Variants in SPOCK3 observed in about 807,000 individuals in gnomAD.
The protein encoded by SPOCK3 is SPARC (osteonectin), cwcv and kazal like domains proteoglycan 3.
A neutral mutation model predicts 56.6 loss-of-function variants in SPOCK3; 30 were observed. The ratio of observed to expected loss-of-function variants is 0.53; its 90% CI spans 0.40 to 0.72. SPOCK3 has a LOEUF of 0.72. Among genes scored for constraint, SPOCK3 ranks in the 30% least tolerant of loss-of-function variants. The pLI is 0.00. For synonymous variants in SPOCK3, 196 were observed against 183.3 expected (o/e 1.07, Z -0.56); for missense variants, 527 against 530.0 (o/e 0.99, Z 0.06).
At chr4:166,980,956 C>G (rs779109056) in intron 4 of SPOCK3, among the ~76,000 whole-genome samples, 6 of 152,198 alleles carry the variant, frequency 3.9e-5, no homozygotes, top group Admixed American at 2.0e-4. Context: ...TGCTAAAGCT[C>G]TTTCAGTTCC....
intron 2 of SPOCK3, among the ~76,000 whole-genome samples, chr4:167,129,278 C>T (rs537754387): frequency 6.6e-6 from 1 of 152,286 alleles, no homozygotes; most frequent in East Asian, 1.9e-4. Flanking sequence ...AGATGGAGGT[C>T]CAAGTTTGAG....
intron 6 of SPOCK3, among the ~76,000 whole-genome samples, chr4:166,886,777 C>T (rs957657224): frequency 6.6e-6 from 1 of 152,124 alleles, no homozygotes; most frequent in African/African-American, 2.4e-5. Flanking sequence ...GAATTTCCTG[C>T]ACTGCACAGT....
intron 6 of SPOCK3, among the ~76,000 whole-genome samples, chr4:166,873,841 G>A (rs1158897107): frequency 6.6e-6 from 1 of 152,074 alleles, no homozygotes; most frequent in African/African-American, 2.4e-5. Context: ...AGAAACAAAA[G>A]GGACAGATTC....
Position 167,142,895 on chromosome 4 carries a change from T to G in SPOCK3, c.190-80358A>C, listed in dbSNP as rs1334718558. On this transcript the variant is annotated intron_variant, in intron 2 of 10. Transcript: ENST00000357545. ...GGAGGATGGAGCAAGGCAACAAACG[T>G]GTGGATGCAACAAAACAACCAGGTC... is the stretch of plus-strand genomic sequence containing the variant. Among the ~76,000 whole-genome samples the G allele has an allele frequency of 2.0e-5, 3 of 151,922 alleles. 1 individual carries two copies. The South Asian group carries it at 6.2e-4, about 31-fold the overall frequency.
At chr4:166,766,654 T>C (rs933585142) in intron 7 of SPOCK3, among the ~76,000 whole-genome samples, 2 of 152,200 alleles carry the variant, frequency 1.3e-5, no homozygotes, top group African/African-American at 4.8e-5. Flanking sequence ...ATTCTCTTTT[T>C]TTGCTGTGTC....
intron 2 of SPOCK3, chr4:167,083,372 T>C (rs1039046189): frequency 1.5e-5 from 11 of 757,068 alleles, no homozygotes; most frequent in Non-Finnish European, 2.2e-5. Context: ...GAATAACGAA[T>C]TCAACTTGCT....
Position 166,734,843 on chromosome 4 carries a change from G to T in SPOCK3, c.*78C>A, listed in dbSNP as rs1734055093. ...GGTTTAGAATCATTTTGTTATTGGG[G>T]AAGAAGATAATTTTAAATAGGCTAT... On this transcript the variant is annotated 3_prime_UTR_variant, in exon 11 of 11. Coordinates refer to ENST00000357545, the MANE Select transcript of SPOCK3 (RefSeq NM_001040159.2). The T allele has an allele frequency of 1.7e-6, 2 of 1,162,050 alleles. No individual in the cohort carries two copies. Among genetic ancestry groups the T allele is most frequent in the South Asian group, 1.9e-5 (1 of 51,648 alleles). 72.0% of individuals were successfully genotyped at this position (1,162,050 alleles called of 1,614,324 possible).
chr4:167,098,077 C>A (rs1354402849), intron 2 of SPOCK3, among the ~76,000 whole-genome samples: 1 of 151,958 alleles, frequency 6.6e-6, no homozygotes, highest in Non-Finnish European at 1.5e-5. Flanking sequence ...GACAGAAAAC[C>A]TAGAGTATCT....
rs1297833351 is a variant in SPOCK3 at position 166,925,900 on chromosome 4, C to T, written c.351-13157G>A. 3.3e-5 allele frequency among the ~76,000 whole-genome samples: 5 copies of T among 152,136 alleles called. No homozygotes were observed. The East Asian group carries it at 9.6e-4, about 29-fold the overall frequency. On this transcript the variant is annotated intron_variant, in intron 4 of 10. Coordinates refer to ENST00000357545, the MANE Select transcript of SPOCK3 (RefSeq NM_001040159.2). ...CATGGAGCCACATGAACGCATTAAG[C>T]TTATTTACCAGTTTCTGTTTGTTTA...
intron 8 of SPOCK3, chr4:166,754,080 C>T (rs529559877): frequency 1.1e-5 from 11 of 959,948 alleles, no homozygotes; most frequent in Middle Eastern, 1.1e-3. Context: ...ATGGTGAATG[C>T]TCTGGTTCAT....
chr4:166,966,694 T>C (rs1269237701), intron 4 of SPOCK3, among the ~76,000 whole-genome samples: 2 of 152,200 alleles, frequency 1.3e-5, no homozygotes, highest in African/African-American at 4.8e-5. Context: ...TTATTCACTG[T>C]GTTTTGGTAA....
chr4:166,973,004 C>A (rs1006464525), intron 4 of SPOCK3, among the ~76,000 whole-genome samples: 2 of 151,982 alleles, frequency 1.3e-5, no homozygotes. Context: ...GCTCTGTTTA[C>A]CCACCGAAAT....
chr4:166,842,849 C>T (rs1000065701), intron 6 of SPOCK3, among the ~76,000 whole-genome samples: 5 of 152,246 alleles, frequency 3.3e-5, no homozygotes, highest in African/African-American at 4.8e-5. Flanking sequence ...CACTCCTCAG[C>T]CTTTGGGCAG....
At chr4:166,845,554 A>G (rs1393312240) in intron 6 of SPOCK3, among the ~76,000 whole-genome samples, 1 of 152,188 alleles carries the variant, frequency 6.6e-6, no homozygotes, top group Non-Finnish European at 1.5e-5. Flanking sequence ...AGTAGTTTCT[A>G]TTTTGTAAAC....
intron 4 of SPOCK3, among the ~76,000 whole-genome samples, chr4:166,952,373 C>T (rs1742767902): frequency 6.6e-6 from 1 of 152,114 alleles, no homozygotes. Context: ...ATCCACCTTA[C>T]AAGGGACGTG....
At chr4:167,190,352 T>A (rs1464657851) in intron 2 of SPOCK3, among the ~76,000 whole-genome samples, 1 of 146,160 alleles carries the variant, frequency 6.8e-6, no homozygotes, top group Non-Finnish European at 1.5e-5. Flanking sequence ...TGATTTGCAC[T>A]TTCCTGATTA....
intron 6 of SPOCK3, among the ~76,000 whole-genome samples, chr4:166,809,116 T>G (rs1743497243): frequency 6.6e-6 from 1 of 151,748 alleles, no homozygotes; most frequent in African/African-American, 2.4e-5. Flanking sequence ...CTCTCATTAA[T>G]AATGAGTTTA....
intron 2 of SPOCK3, among the ~76,000 whole-genome samples, chr4:167,226,867 C>T (rs1000619525): frequency 6.6e-6 from 1 of 152,076 alleles, no homozygotes; most frequent in African/African-American, 2.4e-5. Flanking sequence ...AAAGAGAATT[C>T]TATCGTTACT....
chr4:166,742,720 A>G (rs1312324440), intron 8 of SPOCK3, among the ~76,000 whole-genome samples: 2 of 152,198 alleles, frequency 1.3e-5, no homozygotes, highest in African/African-American at 4.8e-5. Flanking sequence ...CTGTTATTTT[A>G]AAAATAAGCT....
Sources: allele counts gnomAD v4.1 joint callset (sites outside exome capture counted in the v4.1 genomes callset), GRCh38; gene constraint gnomAD v4.1.1; transcripts MANE v1.5; gene names NCBI Gene and HGNC (gene_info 2026-07-23, HGNC 2026-07-21).